The following SGCZ variants were observed in gnomAD, a reference collection of about 807,000 sequenced individuals.
The protein encoded by SGCZ is sarcoglycan zeta, also known as zeta-sarcoglycan.
In SGCZ, 40 loss-of-function variants were observed where a neutral mutation model predicts 41.3. The ratio of observed to expected loss-of-function variants is 0.97; its 90% CI spans 0.75 to 1.26. SGCZ has a LOEUF of 1.26. Among genes scored for constraint, SGCZ ranks in the 50% most tolerant of loss-of-function variants. The pLI, the probability that SGCZ is intolerant of heterozygous loss-of-function variation, is 0.00. For missense variants in SGCZ, 552 were observed against 369.8 expected (o/e 1.49, Z -4.04); for synonymous variants, 206 against 137.5 (o/e 1.50, Z -3.49).
chr8:14,683,543 T>G (rs1447878229), intron 1 of SGCZ, among the ~76,000 whole-genome samples: 1 of 152,140 alleles, frequency 6.6e-6, no homozygotes, highest in Non-Finnish European at 1.5e-5. Flanking sequence ...CCCAAATTCA[T>G]CAAGTAAATT....
At chr8:14,412,769 A>T (rs1799395397) in intron 2 of SGCZ, among the ~76,000 whole-genome samples, 1 of 151,842 alleles carries the variant, frequency 6.6e-6, no homozygotes, top group African/African-American at 2.4e-5. Flanking sequence ...CGCACGTGAC[A>T]AGGTATCAAA....
chr8:14,723,643 T>C (rs1382254239), intron 1 of SGCZ, among the ~76,000 whole-genome samples: 1 of 152,008 alleles, frequency 6.6e-6, no homozygotes, highest in Non-Finnish European at 1.5e-5. Flanking sequence ...GAAACAAGCA[T>C]AGAACACATG....
intron 1 of SGCZ, among the ~76,000 whole-genome samples, chr8:14,989,534 G>A (rs1364400249): frequency 6.6e-6 from 1 of 152,088 alleles, no homozygotes; most frequent in Non-Finnish European, 1.5e-5. Flanking sequence ...TATGCCCTGA[G>A]AGGTCTATCA....
intron 1 of SGCZ, among the ~76,000 whole-genome samples, chr8:14,675,345 A>G (rs1032339607): frequency 6.6e-6 from 1 of 151,750 alleles, no homozygotes; most frequent in African/African-American, 2.4e-5. Context: ...CGAAACAAAC[A>G]TTTCTCTCTT....
intron 6 of SGCZ, among the ~76,000 whole-genome samples, chr8:14,104,548 A>G (rs1802142452): frequency 6.6e-6 from 1 of 152,158 alleles, no homozygotes; most frequent in African/African-American, 2.4e-5. Context: ...GCAGAACTTA[A>G]GCATCAGGAG....
At chr8:14,947,770 C>G (rs984237978) in intron 1 of SGCZ, among the ~76,000 whole-genome samples, 4 of 152,158 alleles carry the variant, frequency 2.6e-5, no homozygotes, top group Middle Eastern at 3.2e-3. Flanking sequence ...CATGAGACAT[C>G]AGGGCATCTC....
intron 1 of SGCZ, among the ~76,000 whole-genome samples, chr8:14,961,202 C>A (rs1219287311): frequency 6.6e-6 from 1 of 152,096 alleles, no homozygotes; most frequent in Non-Finnish European, 1.5e-5. Context: ...CCAGCTCCAT[C>A]ATTTTCTTTT....
At chr8:14,188,807 T>G (rs1009496982) in intron 4 of SGCZ, among the ~76,000 whole-genome samples, 1 of 81,562 alleles carries the variant, frequency 1.2e-5, no homozygotes, top group Non-Finnish European at 2.2e-5. Context: ...GTTTTTTTTT[T>G]GTTTGTTTGT....
intron 2 of SGCZ, among the ~76,000 whole-genome samples, chr8:14,402,507 G>C (rs1261103454): frequency 6.7e-6 from 1 of 150,218 alleles, no homozygotes; most frequent in African/African-American, 2.5e-5. Flanking sequence ...TTCTACCTAT[G>C]GCTAGCCAGT....
intron 1 of SGCZ, among the ~76,000 whole-genome samples, chr8:15,117,166 T>C (rs1807298861): frequency 6.6e-6 from 1 of 152,104 alleles, no homozygotes; most frequent in South Asian, 2.1e-4. Flanking sequence ...GGTCAGGAGA[T>C]CGAGACCACG....
chr8:14,179,888 A>T (rs1334092482), intron 4 of SGCZ, among the ~76,000 whole-genome samples: 1 of 152,210 alleles, frequency 6.6e-6, no homozygotes, highest in African/African-American at 2.4e-5. Flanking sequence ...AGTGAAAAAA[A>T]ATCATCACTG....
intron 3 of SGCZ, among the ~76,000 whole-genome samples, chr8:14,303,779 A>T (rs1041078068): frequency 6.6e-6 from 1 of 151,926 alleles, no homozygotes; most frequent in Admixed American, 6.6e-5. Flanking sequence ...ATGTATATTG[A>T]TATATATTGT....
chr8:14,252,477 A>T (rs976840971), intron 3 of SGCZ, among the ~76,000 whole-genome samples: 1 of 152,134 alleles, frequency 6.6e-6, no homozygotes, highest in Non-Finnish European at 1.5e-5. Flanking sequence ...TAAACTTGTG[A>T]ATAATTGTTT....
intron 2 of SGCZ, among the ~76,000 whole-genome samples, chr8:14,539,715 G>A (rs1049511980): frequency 1.3e-5 from 2 of 150,538 alleles, no homozygotes; most frequent in Non-Finnish European, 1.5e-5. Context: ...ACGCTCTGAA[G>A]TCCCCAGTGT....
chr8:14,918,963 G>A (rs1391008079), intron 1 of SGCZ, among the ~76,000 whole-genome samples: 1 of 152,160 alleles, frequency 6.6e-6, no homozygotes, highest in Non-Finnish European at 1.5e-5. Flanking sequence ...AAGGAAGACT[G>A]GGGGGTTTCA....
intron 1 of SGCZ, among the ~76,000 whole-genome samples, chr8:14,976,303 G>A (rs1185595219): frequency 1.3e-5 from 2 of 151,884 alleles, no homozygotes; most frequent in African/African-American, 4.8e-5. Context: ...GATTACAGGT[G>A]TCAGCCACCG....
At position 14,299,355 on chromosome 8, in the gene SGCZ, T is replaced by G. The variant is rs960012955; in HGVS notation, c.336+24748A>C. On this transcript the variant is annotated intron_variant, in intron 3 of 7. Transcript: ENST00000382080. ...AACCTCTGCTCAAAAACAAACATTATTAGATAAATGAATAGACATAACGTA... is the reference window on the plus strand; with the variant it reads ...AACCTCTGCTCAAAAACAAACATTAGTAGATAAATGAATAGACATAACGTA... 6.2e-4 allele frequency among the ~76,000 whole-genome samples: 95 copies of G among 152,006 alleles called. 1 individual carries two copies. Among genetic ancestry groups the G allele is most frequent in the Middle Eastern group, 3.4e-3 (1 of 294 alleles).
chr8:15,095,435 C>T (rs1159433761), intron 1 of SGCZ, among the ~76,000 whole-genome samples: 1 of 152,150 alleles, frequency 6.6e-6, no homozygotes, highest in Non-Finnish European at 1.5e-5. Context: ...TTCATCTATG[C>T]ATTTCAGATG....
chr8:14,799,822 A>C (rs1372196680), intron 1 of SGCZ, among the ~76,000 whole-genome samples: 1 of 152,084 alleles, frequency 6.6e-6, no homozygotes, highest in Non-Finnish European at 1.5e-5. Flanking sequence ...ACCACACCCA[A>C]ACATAACCTA....
Sources: allele counts gnomAD v4.1 joint callset (sites outside exome capture counted in the v4.1 genomes callset), GRCh38; gene constraint gnomAD v4.1.1; transcripts MANE v1.5; gene names NCBI Gene and HGNC (gene_info 2026-07-23, HGNC 2026-07-21).